NUGGC: variants seen among roughly 807,000 people sequenced by gnomAD.
The protein encoded by NUGGC is nuclear GTPase SLIP-GC.
Under a neutral mutation model 92.6 loss-of-function variants are expected in NUGGC, and 58 were observed. The ratio of observed to expected loss-of-function variants is 0.63; its 90% CI spans 0.51 to 0.78. The LOEUF (loss-of-function observed/expected upper bound fraction) is 0.78, where lower values mean the gene tolerates loss of function less well. NUGGC is among the 30% of genes least tolerant of loss of function. NUGGC has a pLI of 0.00. For missense variants in NUGGC, 925 were observed against 964.6 expected (o/e 0.96, Z 0.54); for synonymous variants, 376 against 366.4 (o/e 1.03, Z -0.30).
chr8:28,041,939 C>T (rs1311175039), intron 12 of NUGGC, among the ~76,000 whole-genome samples: 1 of 152,140 alleles, frequency 6.6e-6, no homozygotes, highest in Non-Finnish European at 1.5e-5. Flanking sequence ...TGAATTGTAG[C>T]TCCCATAATT....
intron 13 of NUGGC, among the ~76,000 whole-genome samples, chr8:28,036,862 G>C (rs1809566879): frequency 6.6e-6 from 1 of 152,202 alleles, no homozygotes; most frequent in South Asian, 2.1e-4. Flanking sequence ...GTCAGGAGTA[G>C]GCCGAGGCGG....
intron 14 of NUGGC, 84 bp from the exon 15 acceptor site, chr8:28,031,465 T>C: frequency 1.5e-6 from 2 of 1,300,670 alleles, no homozygotes; most frequent in Non-Finnish European, 2.2e-6. Context: ...TGGTGTCCTT[T>C]TATTCATTTA....
chr8:28,034,324 C>T (rs1056362089), intron 13 of NUGGC, among the ~76,000 whole-genome samples: 24 of 152,236 alleles, frequency 1.6e-4, no homozygotes, highest in South Asian at 6.2e-4. Flanking sequence ...TAATCAATTT[C>T]GGCCAGATGG....
At chr8:28,079,137 C>T (rs566896974) in intron 1 of NUGGC, among the ~76,000 whole-genome samples, 3 of 152,330 alleles carry the variant, frequency 2.0e-5, no homozygotes, top group African/African-American at 7.2e-5. Context: ...TCTCCCCCTC[C>T]TTTTCTTCTG....
intron 2 of NUGGC, among the ~76,000 whole-genome samples, chr8:28,073,046 AGGCTGGAGTGCAAT>A (rs549177591): frequency 1.0e-4 from 15 of 150,330 alleles, no homozygotes; most frequent in African/African-American, 3.4e-4. Flanking sequence ...ACTCTCGCCC[AGGCTGGAGTGCAAT>A]GGCTGGGTCA....
rs544655585 is a variant in NUGGC, at chr8:28,065,008, T to C, written c.712-277A>G. Among the ~76,000 whole-genome samples the C allele has an allele frequency of 4.6e-5, 7 of 152,312 alleles. No homozygotes were observed. The East Asian group carries it at 1.2e-3, about 25-fold the overall frequency. On this transcript the variant is annotated intron_variant, in intron 6 of 18. Coordinates refer to ENST00000413272, the MANE Select transcript of NUGGC (RefSeq NM_001010906.2). ...TTATAGTATTGCTGAATAATAAGTT[T>C]ATCTTCTAAACTGCATTCAGTTCTA...
intron 11 of NUGGC, 85 bp from the exon 12 acceptor site, chr8:28,045,745 G>T: frequency 6.9e-7 from 1 of 1,440,190 alleles, no homozygotes; most frequent in Admixed American, 2.0e-5. Flanking sequence ...AGACCAAGGT[G>T]GCGATATGAA....
Position 28,068,453 on chromosome 8 carries a change from A to T in NUGGC, c.258-15T>A. 1 of 1,496,606 alleles carries T rather than the reference A, an allele frequency of 6.7e-7. No homozygotes were observed. The highest frequency in any genetic ancestry group is 9.1e-7 in the Non-Finnish European group (1 of 1,095,608). 92.7% of individuals were successfully genotyped at this position (1,496,606 alleles called of 1,614,324 possible). ...GAAGCCTATTTCTGGATGAATTTTAAAATGCACATTGCCATGATCATCAAA... is the reference window on the plus strand; with the variant it reads ...GAAGCCTATTTCTGGATGAATTTTATAATGCACATTGCCATGATCATCAAA... On this transcript the variant is annotated splice_polypyrimidine_tract_variant and intron_variant, in intron 4 of 18. Coordinates refer to ENST00000413272, the MANE Select transcript of NUGGC (RefSeq NM_001010906.2).
Position 28,060,514 on chromosome 8 carries a change from T to A in NUGGC, c.1009A>T (p.Ser337Cys), listed in dbSNP as rs751842016. 6.2e-7 allele frequency: 1 copy of A among 1,613,864 alleles called. No homozygotes were observed. Among genetic ancestry groups the A allele is most frequent in the Non-Finnish European group, 8.5e-7 (1 of 1,179,842 alleles). Residue 337 changes from serine (S) to cysteine (C), a missense_variant, in exon 8 of 19, where the codon AGC becomes TGC. Physicochemically the swap from Ser to Cys is moderately radical, Grantham distance 112 (BLOSUM62 -1). Transcript: ENST00000413272. The stretch of plus-strand genomic sequence containing the variant: ...AAGCCCCGCTGGCAGGCTTTGATGC[T>A]CTCATTCAGAAGGTCTTCGTGGGCT... ...GQAHEDLLNE[S>C]IKACQRGFCR...
At chr8:28,041,314 C>A in intron 12 of NUGGC, 99 bp from the exon 13 acceptor site, 6 of 1,190,078 alleles carry the variant, frequency 5.0e-6, no homozygotes, top group Non-Finnish European at 5.9e-6. Context: ...GCTCAAGATT[C>A]AGCTTATCAC....
intron 2 of NUGGC, among the ~76,000 whole-genome samples, chr8:28,070,594 AT>A (rs56061461): frequency 2.3e-4 from 33 of 140,804 alleles, no homozygotes; most frequent in Admixed American, 2.8e-4. Context: ...TCAAAAAAAA[AT>A]TTTTTTTTTT....
intron 13 of NUGGC, 141 bp downstream of exon 13, chr8:28,040,910 G>T (rs1313139141): frequency 2.6e-6 from 2 of 759,942 alleles, no homozygotes; most frequent in East Asian, 2.8e-5. Context: ...CTCCCAAAGT[G>T]CTGGGATTAC....
Position 28,068,261 on chromosome 8 carries a change from G to T in NUGGC, c.435C>A (p.Gly145=). Residue 145 remains glycine (G), a synonymous_variant, in exon 5 of 19, where the codon GGC becomes GGA. Coordinates refer to ENST00000413272, the MANE Select transcript of NUGGC (RefSeq NM_001010906.2). ...CTSCIVQVSS[G]CCVQYEAKIH... is the part of the protein sequence containing the mutation. ...TTTTGGCCTCATACTGCACACAGCA[G>T]CCAGAGCTCACTTGTACAATGCAGG... 1 of 1,550,618 alleles carries T rather than the reference G, an allele frequency of 6.4e-7. No homozygotes were observed. The highest frequency in any genetic ancestry group is 1.2e-5 in the South Asian group (1 of 83,990).
chr8:28,032,444 G>A (rs1284751640), intron 14 of NUGGC, among the ~76,000 whole-genome samples: 5 of 152,100 alleles, frequency 3.3e-5, no homozygotes, highest in South Asian at 2.1e-4. Context: ...TCAGCCGGGC[G>A]CGGTGGCTCA....
rs192054715 is a variant in NUGGC at position 28,053,078 on chromosome 8, C to T, written c.1206+2887G>A. Among the ~76,000 whole-genome samples the T allele has an allele frequency of 5.9e-5, 9 of 151,946 alleles. No individual in the cohort carries two copies. In the East Asian group the frequency reaches 1.7e-3, roughly 29 times the overall value. ...GGTGTATGCAAAGTGACTGCCTATCCCACACCCAGCCAAAAAAAAAAGTGA... is the reference window on the plus strand; with the variant it reads ...GGTGTATGCAAAGTGACTGCCTATCTCACACCCAGCCAAAAAAAAAAGTGA... On this transcript the variant is annotated intron_variant, in intron 10 of 18. Transcript: ENST00000413272.
At chr8:28,054,137 T>A (rs1810074026) in intron 10 of NUGGC, among the ~76,000 whole-genome samples, 1 of 152,238 alleles carries the variant, frequency 6.6e-6, no homozygotes, top group Admixed American at 6.5e-5. Context: ...ATCCCTTATG[T>A]TGTGTTGTTT....
chr8:28,083,675 C>T (rs1810904339), intron 1 of NUGGC, 100 bp downstream of exon 1: 1 of 151,778 alleles, frequency 6.6e-6, no homozygotes, highest in Admixed American at 6.6e-5. Flanking sequence ...ACTATCTTCT[C>T]AATATTCCTG....
chr8:28,060,983 AC>A (rs1311470082), intron 7 of NUGGC, among the ~76,000 whole-genome samples: 1 of 151,996 alleles, frequency 6.6e-6, no homozygotes, highest in Non-Finnish European at 1.5e-5. Context: ...CTTGGGATCC[AC>A]CTCACCTCAA....
chr8:28,023,243 T>C lies in NUGGC; in HGVS notation c.*74A>G. 1.3e-6 allele frequency: 2 copies of C among 1,491,000 alleles called. No individual in the cohort carries two copies. Among genetic ancestry groups the C allele is most frequent in the Non-Finnish European group, 1.8e-6 (2 of 1,108,946 alleles). 92.4% of individuals were successfully genotyped at this position (1,491,000 alleles called of 1,614,324 possible). A position where few individuals can be genotyped will look rare whatever the true frequency, so the allele number is the denominator to read the frequency against. Reference sequence around the variant, plus strand: ...ACAGAGGTAGATAGATCTTGTCTCTTAAGAACAAAAAAAGTAATTCTAATT... The same window carrying C: ...ACAGAGGTAGATAGATCTTGTCTCTCAAGAACAAAAAAAGTAATTCTAATT... On this transcript the variant is annotated 3_prime_UTR_variant, in exon 19 of 19. Coordinates refer to ENST00000413272, the MANE Select transcript of NUGGC (RefSeq NM_001010906.2).
Sources: gnomAD v4.1 joint callset for allele counts (sites outside exome capture counted in the v4.1 genomes callset) on GRCh38, gnomAD v4.1.1 for gene constraint, MANE v1.5 for transcripts, NCBI Gene and HGNC (gene_info 2026-07-23, HGNC 2026-07-21) for gene names.